Variants in MARCHF10 observed in about 807,000 individuals in gnomAD.
MARCHF10 encodes the protein probable E3 ubiquitin-protein ligase MARCHF10.
In MARCHF10, 64 loss-of-function variants were observed where a neutral mutation model predicts 76.2. The observed-to-expected ratio is 0.84, with a 90% CI of 0.69 to 1.03. The LOEUF (loss-of-function observed/expected upper bound fraction) is 1.03. Ranked by LOEUF, MARCHF10 falls within the 50% of genes least tolerant of loss-of-function variation. MARCHF10 has a pLI of 0.00. For synonymous variants in MARCHF10, 340 were observed against 357.5 expected, an observed-to-expected ratio of 0.95 and a Z score of 0.55; for missense variants, 875 against 958.0, an observed-to-expected ratio of 0.91 and a Z score of 1.14.
chr17:62,724,818 C>T, intron 7 of MARCHF10, 120 bp downstream of exon 7: 1 of 1,050,092 alleles, frequency 9.5e-7, no homozygotes, highest in East Asian at 2.7e-5. Flanking sequence ...AGCCACGTGT[C>T]CCTGAGTCGC....
intron 1 of MARCHF10, among the ~76,000 whole-genome samples, chr17:62,804,279 C>T (rs964732693): frequency 3.3e-5 from 5 of 152,090 alleles, no homozygotes; most frequent in Admixed American, 6.6e-5. Context: ...TGCTGTCAGA[C>T]GCAGGGCTCT....
chr17:62,806,854 G>T (rs2093172319), intron 1 of MARCHF10, among the ~76,000 whole-genome samples: 2 of 152,248 alleles, frequency 1.3e-5, no homozygotes, highest in East Asian at 1.9e-4. Context: ...GACCACATTT[G>T]TCAAAAGAAC....
In MARCHF10 at chr17:62,788,566, G is replaced by C; in HGVS notation, c.124C>G (p.Pro42Ala). 2 of 1,613,936 alleles carry C rather than the reference G, an allele frequency of 1.2e-6. No individual in the cohort carries two copies. The highest frequency in any genetic ancestry group is 2.2e-5 in the South Asian group (2 of 91,072). The change falls in exon 3 of 11, where the codon CCA (proline) becomes GCA (alanine). Residue 42 changes from proline (P) to alanine (A), a missense_variant. Coordinates refer to ENST00000311269, the MANE Select transcript of MARCHF10 (RefSeq NM_152598.4). ...AACTGATCGCGTTTCTTCTCATTTG[G>C]GTCTCTTCTATATTCCTGTCGTCTC... is the stretch of plus-strand genomic sequence containing the variant. ...CLRRQEYRRD[P>A]NEKKRDQFWG... is the part of the protein sequence containing the mutation.
intron 4 of MARCHF10, among the ~76,000 whole-genome samples, chr17:62,755,435 G>T (rs1016657878): frequency 7.2e-5 from 11 of 152,210 alleles, no homozygotes; most frequent in African/African-American, 2.7e-4. Flanking sequence ...GCTGGGAGAG[G>T]TCTTGACAGC....
chr17:62,736,338 G>A lies in MARCHF10; in HGVS notation c.1530C>T (p.Cys510=). The A allele has an allele frequency of 6.2e-7, 1 of 1,614,184 alleles. No individual in the cohort carries two copies. The highest frequency in any genetic ancestry group is 2.2e-5 in the East Asian group (1 of 44,890). Reference sequence around the variant, plus strand: ...TATTTCTAATGGGAGACAGTGGTTGGCAAACATGAAACCCTGAGTTTCCCT... The same window carrying A: ...TATTTCTAATGGGAGACAGTGGTTGACAAACATGAAACCCTGAGTTTCCCT... The part of the protein sequence containing the change: ...DSEGNSGFHV[C]QPLSPIRNRT... The change falls in exon 6 of 11, where the codon TGC becomes TGT. Residue 510 remains cysteine (C), a synonymous_variant. Coordinates refer to ENST00000311269, the MANE Select transcript of MARCHF10 (RefSeq NM_152598.4).
intron 3 of MARCHF10, among the ~76,000 whole-genome samples, chr17:62,772,771 C>G (rs1231430699): frequency 1.3e-5 from 2 of 152,184 alleles, no homozygotes; most frequent in Non-Finnish European, 2.9e-5. Flanking sequence ...TCTACGAATG[C>G]AGGCAACAAG....
chr17:62,740,229 G>A (rs1329815115), intron 5 of MARCHF10, among the ~76,000 whole-genome samples: 1 of 152,176 alleles, frequency 6.6e-6, no homozygotes, highest in Non-Finnish European at 1.5e-5. Flanking sequence ...TGGTATGCCA[G>A]GGATGTGCTA....
intron 8 of MARCHF10, among the ~76,000 whole-genome samples, chr17:62,715,150 G>A (rs2090131377): frequency 6.6e-6 from 1 of 152,206 alleles, no homozygotes; most frequent in African/African-American, 2.4e-5. Context: ...AACGCTCCTG[G>A]TTTGGGGACC....
At chr17:62,766,517 GA>G (rs1243459151) in intron 3 of MARCHF10, among the ~76,000 whole-genome samples, 5 of 151,848 alleles carry the variant, frequency 3.3e-5, no homozygotes, top group African/African-American at 4.8e-5. Context: ...GAAAAGAAAA[GA>G]AAAAAAGAAC....
At chr17:62,770,036 T>C (rs1050423191) in intron 3 of MARCHF10, among the ~76,000 whole-genome samples, 2 of 152,180 alleles carry the variant, frequency 1.3e-5, no homozygotes, top group Non-Finnish European at 2.9e-5. Flanking sequence ...GTGCACTTAG[T>C]AGTCCACAGT....
At chr17:62,735,784 G>C (rs2091235118) in intron 6 of MARCHF10, 147 bp downstream of exon 6, 1 of 665,846 alleles carries the variant, frequency 1.5e-6, no homozygotes, top group African/African-American at 1.8e-5. Context: ...CAACAAAACA[G>C]AGACAATTTT....
At chr17:62,758,957 CA>C (rs906690839) in intron 4 of MARCHF10, among the ~76,000 whole-genome samples, 1 of 152,204 alleles carries the variant, frequency 6.6e-6, no homozygotes, top group African/African-American at 2.4e-5. Context: ...ATTAAAGTTT[CA>C]GTGAATTTTA....
rs1226478284 is a variant in MARCHF10, at chr17:62,795,379, A to AG, written c.90+6266_90+6267insC. Among the ~76,000 whole-genome samples the AG allele has an allele frequency of 5.3e-5, 8 of 150,464 alleles. No individual in the cohort carries two copies. In the East Asian group the frequency reaches 9.8e-4, roughly 18 times the overall value. On this transcript the variant is annotated intron_variant, in intron 2 of 10. Transcript: ENST00000311269. ...ATCAAAAAAAAAAAAAAAAAAAAAAAAAAAAGAAGCTAGGCAGCATGAAAA... is the reference window on the plus strand; with the variant it reads ...ATCAAAAAAAAAAAAAAAAAAAAAAAGAAAAAGAAGCTAGGCAGCATGAAAA...
intron 3 of MARCHF10, among the ~76,000 whole-genome samples, chr17:62,763,179 C>T (rs2092252984): frequency 6.6e-6 from 1 of 152,166 alleles, no homozygotes; most frequent in Non-Finnish European, 1.5e-5. Flanking sequence ...TTATAATTAG[C>T]CATTAATTCA....
chr17:62,738,804 G>A lies in MARCHF10; in HGVS notation c.536-1472C>T, dbSNP rs1163885257. Among the ~76,000 whole-genome samples the A allele has an allele frequency of 9.2e-5, 14 of 152,306 alleles. No homozygotes were observed. The highest frequency in any genetic ancestry group is 2.9e-4 in the African/African-American group (12 of 41,566). On this transcript the variant is annotated intron_variant, in intron 5 of 10. Coordinates refer to ENST00000311269, the MANE Select transcript of MARCHF10 (RefSeq NM_152598.4). This position sits in a 1 kb window ranked among gnomAD's most constrained non-coding sequence, Gnocchi z 4.0. ...GACTCATCAGCTCTTCTAGAAATCAGTTAAGCTCTCCTCTCAGGCCCCTCC... is the reference window on the plus strand; with the variant it reads ...GACTCATCAGCTCTTCTAGAAATCAATTAAGCTCTCCTCTCAGGCCCCTCC...
intron 3 of MARCHF10, among the ~76,000 whole-genome samples, chr17:62,770,005 C>T (rs920631630): frequency 6.6e-6 from 1 of 152,162 alleles, no homozygotes; most frequent in Admixed American, 6.6e-5. Flanking sequence ...GATAGTTTTT[C>T]AATCCACATC....
At position 62,724,474 on chromosome 17, in the gene MARCHF10, C is replaced by T. The variant is rs539669567; in HGVS notation, c.2104+464G>A. 1.6e-3 allele frequency among the ~76,000 whole-genome samples: 246 copies of T among 152,126 alleles called. 1 individual carries two copies. The highest frequency in any genetic ancestry group is 4.9e-3 in the African/African-American group (204 of 41,508). On this transcript the variant is annotated intron_variant, in intron 7 of 10. Coordinates refer to ENST00000311269, the MANE Select transcript of MARCHF10 (RefSeq NM_152598.4). ...GCTTTGTTTAGTTTCTTAGGTGACCCCCAAATAAAAGGAAGTAGGATGTGT... is the reference window on the plus strand; with the variant it reads ...GCTTTGTTTAGTTTCTTAGGTGACCTCCAAATAAAAGGAAGTAGGATGTGT...
chr17:62,765,351 C>CA (rs57082084), intron 3 of MARCHF10, among the ~76,000 whole-genome samples: 5,712 of 73,524 alleles, frequency 0.078, 451 homozygotes, highest in African/African-American at 0.14. Context: ...GACTCTGTCT[C>CA]AAAAAAAAAA....
chr17:62,755,082 T>TA (rs1218431859), intron 4 of MARCHF10, among the ~76,000 whole-genome samples: 2 of 152,224 alleles, frequency 1.3e-5, no homozygotes, highest in Non-Finnish European at 2.9e-5. Context: ...TGAAAAGTCT[T>TA]CTTACTCCTG....
Sources: allele counts gnomAD v4.1 joint callset (sites outside exome capture counted in the v4.1 genomes callset), GRCh38; gene constraint gnomAD v4.1.1; non-coding constraint Gnocchi (gnomAD v3.1); transcripts MANE v1.5; gene names NCBI Gene and HGNC (gene_info 2026-07-23, HGNC 2026-07-21).